Variants in MMP24 observed in about 807,000 individuals in gnomAD.
MMP24 encodes the protein matrix metalloproteinase-24.
Under a neutral mutation model 62.8 loss-of-function variants are expected in MMP24, and 25 were observed. That is an observed-to-expected ratio of 0.40 (90% CI 0.29 to 0.56). The LOEUF is 0.56. MMP24 is among the 20% of genes least tolerant of loss of function. The probability of loss-of-function intolerance (pLI) is 0.50; values close to 1 mark genes in which losing one functional copy is unlikely to be tolerated. For synonymous variants in MMP24, 319 were observed against 350.5 expected, an observed-to-expected ratio of 0.91 and a Z score of 1.00; for missense variants, 634 against 853.6, an observed-to-expected ratio of 0.74 and a Z score of 3.21.
intron 1 of MMP24, among the ~76,000 whole-genome samples, chr20:35,246,290 T>TAA (rs71299212): frequency 1.5e-5 from 2 of 131,196 alleles, no homozygotes; most frequent in Non-Finnish European, 3.3e-5. Flanking sequence ...CTGTCTCTAC[T>TAA]AAAAAAAAAA....
intron 2 of MMP24, among the ~76,000 whole-genome samples, chr20:35,251,154 T>C (rs2146215502): frequency 6.6e-6 from 1 of 151,968 alleles, no homozygotes; most frequent in Admixed American, 6.5e-5. Context: ...ATTTCACTCT[T>C]CTTGCCCAGG....
At chr20:35,234,420 C>T (rs151227431) in intron 1 of MMP24, among the ~76,000 whole-genome samples, 84 of 152,330 alleles carry the variant, frequency 5.5e-4, no homozygotes, top group African/African-American at 2.0e-3. Flanking sequence ...AAGGGGACTA[C>T]AGGCATGTAA....
intron 4 of MMP24, among the ~76,000 whole-genome samples, chr20:35,260,650 G>A (rs1394184247): frequency 2.0e-5 from 3 of 152,264 alleles, no homozygotes; most frequent in Non-Finnish European, 2.9e-5. Context: ...GCCAGGACCT[G>A]AGTAAGGAGC....
chr20:35,274,752 G>A lies in MMP24; in HGVS notation c.*143G>A. The A allele has an allele frequency of 4.1e-6, 3 of 739,780 alleles. No individual in the cohort carries two copies. The highest frequency in any genetic ancestry group is 6.5e-6 in the Non-Finnish European group (3 of 461,474). 45.8% of individuals were successfully genotyped at this position (739,780 alleles called of 1,614,324 possible). A position where few individuals can be genotyped will look rare whatever the true frequency, so the allele number is the denominator to read the frequency against. ...GTACAGCTGAAGTGGTGGGTGCATT[G>A]GCCTAGGCTGAGCGTGGGGCAGGGA... On this transcript the variant is annotated 3_prime_UTR_variant, in exon 9 of 9. Transcript: ENST00000246186. The surrounding 1 kb of genome is among the most constrained non-coding windows in gnomAD (Gnocchi z 5.1).
chr20:35,257,618 C>G (rs2060581436), intron 4 of MMP24, among the ~76,000 whole-genome samples: 1 of 152,204 alleles, frequency 6.6e-6, no homozygotes, highest in African/African-American at 2.4e-5. Flanking sequence ...CCCACACCTG[C>G]TCCTTGCTTT....
rs2060712738 is a variant in MMP24, at chr20:35,276,948, G to A, written c.*2339G>A. 2 of 152,690 alleles carry A rather than the reference G, an allele frequency of 1.3e-5. No homozygotes were observed. The highest frequency in any genetic ancestry group is 2.9e-5 in the Non-Finnish European group (2 of 68,054). The allele number at this position is 152,690 out of a possible 1,614,324, so 9.5% of individuals were successfully genotyped here. ...TGTCAGTCACATTTTAAACTGATCA[G>A]CCTTTGTATAATGTTTTTTAAATCA... is the stretch of plus-strand genomic sequence containing the variant. On this transcript the variant is annotated 3_prime_UTR_variant, in exon 9 of 9. Transcript: ENST00000246186.
chr20:35,272,723 T>C (rs12481401), intron 8 of MMP24, among the ~76,000 whole-genome samples: 1 of 152,116 alleles, frequency 6.6e-6, no homozygotes, highest in Non-Finnish European at 1.5e-5. Flanking sequence ...ATTGATATGG[T>C]CAAAAACACA....
At chr20:35,229,104 A>G (rs1057224845) in intron 1 of MMP24, among the ~76,000 whole-genome samples, 1 of 152,114 alleles carries the variant, frequency 6.6e-6, no homozygotes, top group Non-Finnish European at 1.5e-5. Flanking sequence ...GATTATTTTT[A>G]TCGGAGTGCA....
chr20:35,272,250 C>G (rs2060674509), intron 8 of MMP24: 1 of 428,684 alleles, frequency 2.3e-6, no homozygotes, highest in Non-Finnish European at 4.1e-6. Flanking sequence ...TTTTTAAATT[C>G]TAAGAGATAA....
At chr20:35,230,074 C>T (rs967882469) in intron 1 of MMP24, among the ~76,000 whole-genome samples, 2 of 152,136 alleles carry the variant, frequency 1.3e-5, no homozygotes, top group Non-Finnish European at 2.9e-5. Flanking sequence ...ACTGCAACCT[C>T]CGCCTCCCAG....
At chr20:35,272,766 C>T (rs1438804518) in intron 8 of MMP24, among the ~76,000 whole-genome samples, 1 of 152,182 alleles carries the variant, frequency 6.6e-6, no homozygotes, top group Non-Finnish European at 1.5e-5. Context: ...GGTTCGTAAC[C>T]ACCATAGTAC....
intron 4 of MMP24, among the ~76,000 whole-genome samples, chr20:35,257,919 G>A (rs1205270277): frequency 1.3e-5 from 2 of 152,228 alleles, no homozygotes; most frequent in African/African-American, 2.4e-5. Flanking sequence ...GGTTTTGGGT[G>A]AGAGGCAAGG....
intron 4 of MMP24, among the ~76,000 whole-genome samples, chr20:35,257,299 C>T (rs1450975570): frequency 1.3e-5 from 2 of 152,184 alleles, no homozygotes; most frequent in Non-Finnish European, 2.9e-5. Flanking sequence ...TATTGAACTC[C>T]GTTTCCTTTG....
At chr20:35,246,146 A>G (rs1347253847) in intron 1 of MMP24, among the ~76,000 whole-genome samples, 1 of 151,580 alleles carries the variant, frequency 6.6e-6, no homozygotes, top group Non-Finnish European at 1.5e-5. Flanking sequence ...TCAAAATACC[A>G]CTCTGCATCA....
At chr20:35,227,325 A>G (rs1380971365) in intron 1 of MMP24, among the ~76,000 whole-genome samples, 4 of 151,624 alleles carry the variant, frequency 2.6e-5, no homozygotes, top group African/African-American at 9.7e-5. Context: ...GTAAATAGTA[A>G]GCGCAGCCAG....
intron 2 of MMP24, among the ~76,000 whole-genome samples, chr20:35,251,283 T>C (rs1300738957): frequency 1.3e-5 from 2 of 148,732 alleles, no homozygotes; most frequent in African/African-American, 2.6e-5. Context: ...TGCAGCTGGC[T>C]AATTTTTTTT....
In MMP24 at chr20:35,275,787, T is replaced by C. The variant is rs1367063879; in HGVS notation, c.*1178T>C. 3 of 383,956 alleles carry C rather than the reference T, an allele frequency of 7.8e-6. No homozygotes were observed. Among genetic ancestry groups the C allele is most frequent in the African/African-American group, 2.1e-5 (1 of 48,372 alleles). 23.8% of individuals were successfully genotyped at this position (383,956 alleles called of 1,614,324 possible). On this transcript the variant is annotated 3_prime_UTR_variant, in exon 9 of 9. Transcript: ENST00000246186. ...GCAGTGTTTTCCCAGAGCTTGGCCC[T>C]TGCTGACCTCGCTCACTGGGCCCAT...
intron 6 of MMP24, 104 bp downstream of exon 6, chr20:35,267,523 A>G: frequency 8.2e-7 from 1 of 1,218,828 alleles, no homozygotes; most frequent in Admixed American, 2.2e-5. Context: ...TTCGATTACA[A>G]TGGGGCCTGG....
At chr20:35,232,313 A>T (rs1174413428) in intron 1 of MMP24, among the ~76,000 whole-genome samples, 1 of 152,252 alleles carries the variant, frequency 6.6e-6, no homozygotes, top group East Asian at 1.9e-4. Context: ...CAGGAAGAAC[A>T]AACCACAGCC....
Sources: gnomAD v4.1 joint callset for allele counts (sites outside exome capture counted in the v4.1 genomes callset) on GRCh38, gnomAD v4.1.1 for gene constraint, Gnocchi (gnomAD v3.1) non-coding constraint, MANE v1.5 for transcripts, NCBI Gene and HGNC (gene_info 2026-07-23, HGNC 2026-07-21) for gene names.